TSC2: variants seen among roughly 807,000 people sequenced by gnomAD.
TSC2 encodes tuberin.
TSC2 carries 29 observed loss-of-function variants against 202.2 expected under a neutral mutation model. The ratio of observed to expected loss-of-function variants is 0.14; its 90% CI spans 0.11 to 0.20. TSC2 has a LOEUF of 0.20. Ranked by LOEUF, TSC2 falls within the 10% of genes least tolerant of loss-of-function variation. TSC2 has a pLI of 1.00. For missense variants in TSC2, 2,429 were observed against 2,420.0 expected, an observed-to-expected ratio of 1.00 and a Z score of -0.08; for synonymous variants, 1,349 against 1,044.0, an observed-to-expected ratio of 1.29 and a Z score of -5.63.
chr16:2,065,674 C>G (rs1409607011), intron 16 of TSC2, 39 bp downstream of exon 16: 1 of 1,557,572 alleles, frequency 6.4e-7, no homozygotes, highest in East Asian at 2.2e-5. Context: ...CCGGGGCGCG[C>G]ATGGCTAGCG....
At position 2,081,755 on chromosome 16, in the gene TSC2, A is replaced by G; in HGVS notation, c.3771A>G (p.Ala1257=). ...TGTACAAGTCACTGTCGGTGCCGGC[A>G]GCCAGCACGGCCAAACCCCCTCCTC... ...TALYKSLSVP[A]ASTAKPPPLP... is the part of the protein sequence containing the mutation. The change falls in exon 31 of 42, where the codon GCA becomes GCG. Residue 1257 remains alanine, a synonymous_variant. Transcript: ENST00000219476. 2.5e-6 allele frequency: 4 copies of G among 1,612,824 alleles called. No homozygotes were observed. Among genetic ancestry groups the G allele is most frequent in the Non-Finnish European group, 3.4e-6 (4 of 1,180,004 alleles).
In TSC2 at chr16:2,061,652, C is replaced by T. The variant is rs930104890; in HGVS notation, c.1120-219C>T. 12 of 674,580 alleles carry T rather than the reference C, an allele frequency of 1.8e-5. No individual in the cohort carries two copies. In the East Asian group the frequency reaches 3.4e-4, roughly 19 times the overall value. The allele number at this position is 674,580 out of a possible 1,614,324, so 41.8% of individuals were successfully genotyped here. ...AGAGGATCTGGGGGGTGTCCTGGGC[C>T]ACGTGGGTCAGGGTGGCCCCTGGAG... On this transcript the variant is annotated intron_variant, in intron 11 of 41. Coordinates refer to ENST00000219476, the MANE Select transcript of TSC2 (RefSeq NM_000548.5).
In TSC2 at chr16:2,086,883, G is replaced by C. The variant is rs1343916460; in HGVS notation, c.4989+12G>C. The stretch of plus-strand genomic sequence containing the variant: ...TTGGCACCATCAAGGTGAGTGAGGG[G>C]CCGTCAGTGAGGCTGGGCCCCAGGC... On this transcript the variant is annotated intron_variant, in intron 38 of 41. Coordinates refer to ENST00000219476, the MANE Select transcript of TSC2 (RefSeq NM_000548.5). 1 of 1,572,404 alleles carries C rather than the reference G, an allele frequency of 6.4e-7. No individual in the cohort carries two copies. Among genetic ancestry groups the C allele is most frequent in the Non-Finnish European group, 8.6e-7 (1 of 1,160,232 alleles).
In TSC2 at chr16:2,056,758, C is replaced by G. The variant is rs2151081425; in HGVS notation, c.763C>G (p.Pro255Ala). 4 of 1,609,506 alleles carry G rather than the reference C, an allele frequency of 2.5e-6. No homozygotes were observed. The highest frequency in any genetic ancestry group is 3.4e-6 in the Non-Finnish European group (4 of 1,179,994). ...RTINVKELCE[P>A]CWKLMRNLLG... is the part of the protein sequence containing the mutation. Reference sequence around the variant, plus strand: ...CATCAACGTCAAGGAGCTCTGCGAGCCTTGCTGGAAGGTGGGGTTTCTGAA... The same window carrying G: ...CATCAACGTCAAGGAGCTCTGCGAGGCTTGCTGGAAGGTGGGGTTTCTGAA... The change falls in exon 8 of 42, where the codon CCT (proline) becomes GCT (alanine). Residue 255 changes from proline (P) to alanine (A), a missense_variant. Coordinates refer to ENST00000219476, the MANE Select transcript of TSC2 (RefSeq NM_000548.5).
At chr16:2,068,008 T>C (rs2151241707) in intron 16 of TSC2, among the ~76,000 whole-genome samples, 1 of 152,332 alleles carries the variant, frequency 6.6e-6, no homozygotes, top group Middle Eastern at 3.4e-3. Context: ...TATTTCCTAG[T>C]TGAGGCAGAG....
rs765503216 is a variant in TSC2 at position 2,080,358 on chromosome 16, C to T, written c.3591C>T (p.Ile1197=). 8 of 1,612,002 alleles carry T rather than the reference C, an allele frequency of 5.0e-6. No homozygotes were observed. Among genetic ancestry groups the T allele is most frequent in the Non-Finnish European group, 6.8e-6 (8 of 1,179,950 alleles). Residue 1197 remains isoleucine (I), a synonymous_variant, in exon 30 of 42, where the codon ATC becomes ATT. Transcript: ENST00000219476. ...VPLLTQGWAE[I]LVRRPTGNTS... ...TGCTGACCCAGGGCTGGGCGGAGAT[C>T]CTGGTCCGGAGGCCCACAGGTACTG...
rs747538587 is a variant in TSC2, at chr16:2,055,441, C to G, written c.521C>G (p.Ser174Trp). 1 of 1,614,194 alleles carries G rather than the reference C, an allele frequency of 6.2e-7. No individual in the cohort carries two copies. Among genetic ancestry groups the G allele is most frequent in the Admixed American group, 1.7e-5 (1 of 60,020 alleles). Reference protein sequence around the residue: ...VLQWMDVGLSSEFLLVLVNLV... With the variant: ...VLQWMDVGLSWEFLLVLVNLV... Reference sequence around the variant, plus strand: ...CAGTGGATGGATGTTGGCTTGTCCTCGGAATTCCTTCTGGTGCTGGTGAAC... The same window carrying G: ...CAGTGGATGGATGTTGGCTTGTCCTGGGAATTCCTTCTGGTGCTGGTGAAC... Residue 174 changes from serine to tryptophan, a missense_variant, in exon 6 of 42, where the codon TCG becomes TGG. Transcript: ENST00000219476.
intron 2 of TSC2, among the ~76,000 whole-genome samples, chr16:2,050,079 C>T (rs2084913146): frequency 6.6e-6 from 1 of 151,736 alleles, no homozygotes; most frequent in Non-Finnish European, 1.5e-5. Flanking sequence ...CCTCACTCTC[C>T]CGAGTAGCTG....
chr16:2,076,453 T>C lies in TSC2; in HGVS notation c.2743-38T>C, dbSNP rs551644079. The C allele has an allele frequency of 8.1e-6, 13 of 1,611,526 alleles. No individual in the cohort carries two copies. In the East Asian group the frequency reaches 2.5e-4, roughly 30 times the overall value. On this transcript the variant is annotated intron_variant, in intron 24 of 41. Transcript: ENST00000219476. ...CCTGGTGAGGGCCTCCAGCCCCCAT[T>C]GCCACCCCTCACTGTCTGGGTGTGC...
intron 5 of TSC2, chr16:2,054,974 C>T: frequency 8.8e-6 from 3 of 341,966 alleles, no homozygotes; most frequent in South Asian, 5.1e-5. Context: ...AGGACAGGTG[C>T]CGGCCAGGTG....
rs1060504099 is a variant in TSC2 at position 2,084,944 on chromosome 16, T to C, written c.4494-7T>C. 3 of 1,613,252 alleles carry C rather than the reference T, an allele frequency of 1.9e-6. No homozygotes were observed. Among genetic ancestry groups the C allele is most frequent in the Non-Finnish European group, 2.5e-6 (3 of 1,179,954 alleles). On this transcript the variant is annotated splice_polypyrimidine_tract_variant and splice_region_variant and intron_variant, in intron 34 of 41. Coordinates refer to ENST00000219476, the MANE Select transcript of TSC2 (RefSeq NM_000548.5). ...ACCTGGGTGCCCACCATCCCCTCCC[T>C]GTGCAGTTTCGTGTTCCTGCAGCTC...
intron 3 of TSC2, among the ~76,000 whole-genome samples, chr16:2,052,188 G>A (rs919642780): frequency 7.0e-6 from 1 of 142,282 alleles, no homozygotes; most frequent in African/African-American, 2.8e-5. Context: ...CTGTGTCCAC[G>A]GATCTTTGCA....
chr16:2,085,072 C>G (rs45482793), intron 35 of TSC2, 46 bp downstream of exon 35: 1 of 1,610,566 alleles, frequency 6.2e-7, no homozygotes, highest in South Asian at 1.1e-5. Flanking sequence ...CTGTGTGGCT[C>G]GGGTGAATGG....
chr16:2,051,054 G>A (rs1021218793), intron 3 of TSC2, among the ~76,000 whole-genome samples: 1 of 151,974 alleles, frequency 6.6e-6, no homozygotes, highest in African/African-American at 2.4e-5. Context: ...GCGGGGGTGC[G>A]GGGGCTTATG....
In TSC2 at chr16:2,076,140, C is replaced by T. The variant is rs137920189; in HGVS notation, c.2712C>T (p.Phe904=). The part of the protein sequence containing the change: ...AMWFIRCRLP[F]RKDFVPFITK... ...GGTTCATCAGGTGCCGCCTGCCCTT[C>T]CGGAAGGATTTTGTCCCTTTCATCA... is the stretch of plus-strand genomic sequence containing the variant. The change falls in exon 24 of 42, where the codon TTC becomes TTT. Residue 904 remains phenylalanine (F), a synonymous_variant. Transcript: ENST00000219476. 4 of 1,613,750 alleles carry T rather than the reference C, an allele frequency of 2.5e-6. No individual in the cohort carries two copies. Among genetic ancestry groups the T allele is most frequent in the African/African-American group, 2.7e-5 (2 of 74,926 alleles).
At chr16:2,077,868 G>C (rs1388924842) in intron 26 of TSC2, 142 bp downstream of exon 26, 1 of 1,437,080 alleles carries the variant, frequency 7.0e-7, no homozygotes, top group Non-Finnish European at 9.5e-7. Context: ...CGGTGACGAG[G>C]GGTGGAAAGG....
Position 2,088,715 on chromosome 16 carries a change from C to T in TSC2, c.*105C>T. 6 of 1,427,692 alleles carry T rather than the reference C, an allele frequency of 4.2e-6. No individual in the cohort carries two copies. Among genetic ancestry groups the T allele is most frequent in the Middle Eastern group, 1.8e-4 (1 of 5,456 alleles). 88.4% of individuals were successfully genotyped at this position (1,427,692 alleles called of 1,614,324 possible). ...CAGACATAGAGGCACAGATTGCAGT[C>T]AGACAGCTCTTTTATTGACTTTGTC... On this transcript the variant is annotated 3_prime_UTR_variant, in exon 42 of 42. Coordinates refer to ENST00000219476, the MANE Select transcript of TSC2 (RefSeq NM_000548.5).
At chr16:2,081,877 T>C in intron 31 of TSC2, 79 bp downstream of exon 31, 1 of 1,552,084 alleles carries the variant, frequency 6.4e-7, no homozygotes, top group South Asian at 1.2e-5. Context: ...GTGGCTCCTC[T>C]CTGCTGAGGG....
At chr16:2,062,670 GC>G in intron 13 of TSC2, 70 bp downstream of exon 13, 1 of 1,505,734 alleles carries the variant, frequency 6.6e-7, no homozygotes, top group Non-Finnish European at 9.0e-7. Flanking sequence ...GCCCACCCGG[GC>G]TGGGTCTCAG....
Sources: allele counts gnomAD v4.1 joint callset (sites outside exome capture counted in the v4.1 genomes callset), GRCh38; gene constraint gnomAD v4.1.1; transcripts MANE v1.5; gene names NCBI Gene and HGNC (gene_info 2026-07-23, HGNC 2026-07-21).